SPRED1: variants seen among roughly 807,000 people sequenced by gnomAD.
The protein encoded by SPRED1 is sprouty-related, EVH1 domain-containing protein 1.
A neutral mutation model predicts 52.3 loss-of-function variants in SPRED1; 18 were observed. The observed-to-expected ratio is 0.34, with a 90% CI of 0.24 to 0.51. SPRED1 has a LOEUF of 0.51. Ranked by LOEUF, SPRED1 falls within the 20% of genes least tolerant of loss-of-function variation. The pLI is 0.97. For synonymous variants in SPRED1, 155 were observed against 179.7 expected, an observed-to-expected ratio of 0.86 and a Z score of 1.10; for missense variants, 485 against 551.0, an observed-to-expected ratio of 0.88 and a Z score of 1.20.
intron 1 of SPRED1, among the ~76,000 whole-genome samples, chr15:38,265,747 T>C (rs1894295652): frequency 6.6e-6 from 1 of 152,102 alleles, no homozygotes; most frequent in Admixed American, 6.5e-5. Context: ...CTTGCCATCA[T>C]TTTTAATGGA....
intron 4 of SPRED1, among the ~76,000 whole-genome samples, chr15:38,328,902 A>G (rs8028675): frequency 0.96 from 145,795 of 152,124 alleles, 70,147 homozygotes; most frequent in East Asian, 1. Context: ...TTTTGGTAGA[A>G]ACGGGGTTTT....
At chr15:38,299,853 A>G (rs569324118) in intron 2 of SPRED1, among the ~76,000 whole-genome samples, 2 of 152,250 alleles carry the variant, frequency 1.3e-5, no homozygotes, top group East Asian at 3.9e-4. Context: ...TATTCCCTAG[A>G]CCAGAGATTG....
chr15:38,267,774 A>G (rs889427397), intron 1 of SPRED1, among the ~76,000 whole-genome samples: 5 of 152,216 alleles, frequency 3.3e-5, no homozygotes, highest in African/African-American at 9.6e-5. Flanking sequence ...ATACTTGGTA[A>G]AGTCTTATGA....
At chr15:38,273,288 G>A (rs1894477392) in intron 1 of SPRED1, among the ~76,000 whole-genome samples, 1 of 152,042 alleles carries the variant, frequency 6.6e-6, no homozygotes, top group African/African-American at 2.4e-5. Flanking sequence ...TCATTTTGAA[G>A]AAACATCTTT....
At chr15:38,318,857 A>T (rs1405791885) in intron 2 of SPRED1, among the ~76,000 whole-genome samples, 4 of 152,148 alleles carry the variant, frequency 2.6e-5, no homozygotes, top group African/African-American at 9.7e-5. Flanking sequence ...CCATTGATGG[A>T]CACCTAGGTT....
At chr15:38,307,451 T>C (rs1038179151) in intron 2 of SPRED1, among the ~76,000 whole-genome samples, 1 of 152,218 alleles carries the variant, frequency 6.6e-6, no homozygotes, top group East Asian at 1.9e-4. Context: ...CCTCACATGG[T>C]CTAGAGAAAG....
intron 1 of SPRED1, among the ~76,000 whole-genome samples, chr15:38,269,196 C>T (rs772742299): frequency 4.6e-5 from 7 of 152,126 alleles, no homozygotes; most frequent in Non-Finnish European, 4.4e-5. Context: ...CCCGCCTCAG[C>T]CTCCCAAAGT....
chr15:38,338,712 G>A (rs917290815), intron 4 of SPRED1, among the ~76,000 whole-genome samples: 5 of 151,818 alleles, frequency 3.3e-5, no homozygotes, highest in Admixed American at 2.0e-4. Flanking sequence ...AAATAGCATC[G>A]GTATTACAAT....
chr15:38,303,626 A>G (rs1895192568), intron 2 of SPRED1, among the ~76,000 whole-genome samples: 1 of 152,154 alleles, frequency 6.6e-6, no homozygotes, highest in African/African-American at 2.4e-5. Flanking sequence ...CACAGTTTTT[A>G]GTTATCATGG....
In SPRED1 at chr15:38,252,947, C is replaced by T. The variant is rs1894009716; in HGVS notation, c.-239C>T. The T allele has an allele frequency of 3.4e-6, 2 of 591,288 alleles. No individual in the cohort carries two copies. The highest frequency in any genetic ancestry group is 3.7e-5 in the African/African-American group (2 of 53,388). 36.6% of individuals were successfully genotyped at this position (591,288 alleles called of 1,614,324 possible). ...CGGATCCCTTGGCTGGGCACTGAGG[C>T]GGGGGAAGAGGCTGGGGTCGCCACG... On this transcript the variant is annotated 5_prime_UTR_variant, in exon 1 of 7. Coordinates refer to ENST00000299084, the MANE Select transcript of SPRED1 (RefSeq NM_152594.3).
chr15:38,256,642 G>C (rs918987779), intron 1 of SPRED1, among the ~76,000 whole-genome samples: 1 of 152,074 alleles, frequency 6.6e-6, no homozygotes, highest in Non-Finnish European at 1.5e-5. Flanking sequence ...TATGATAAAC[G>C]TACTATGTTG....
chr15:38,356,234 A>T lies in SPRED1; in HGVS notation c.*4570A>T, dbSNP rs1441879299. ...CTTGACTGCATTCTTTCTAATGAAC[A>T]ATGAAAAACTGTTTAACTCATGTCA... On this transcript the variant is annotated 3_prime_UTR_variant, in exon 7 of 7. Coordinates refer to ENST00000299084, the MANE Select transcript of SPRED1 (RefSeq NM_152594.3). The T allele has an allele frequency of 1.3e-5, 2 of 152,146 alleles. No homozygotes were observed. The highest frequency in any genetic ancestry group is 4.8e-5 in the African/African-American group (2 of 41,440). The allele number at this position is 152,146 out of a possible 1,614,324, so 9.4% of individuals were successfully genotyped here.
At chr15:38,338,038 T>TA (rs66632536) in intron 4 of SPRED1, among the ~76,000 whole-genome samples, 1,891 of 88,862 alleles carry the variant, frequency 0.021, 52 homozygotes, top group African/African-American at 0.066. Context: ...CCATTGCTAC[T>TA]AAAAAAAAAA....
chr15:38,340,018 C>A, intron 5 of SPRED1, 123 bp downstream of exon 5: 1 of 1,234,726 alleles, frequency 8.1e-7, no homozygotes. Context: ...AAACAAAAAC[C>A]CCACAAACAA....
At chr15:38,268,996 A>G (rs906740063) in intron 1 of SPRED1, among the ~76,000 whole-genome samples, 1 of 147,016 alleles carries the variant, frequency 6.8e-6, no homozygotes, top group African/African-American at 2.5e-5. Flanking sequence ...GCTGGAGTGC[A>G]GTGGCGCGAT....
intron 3 of SPRED1, among the ~76,000 whole-genome samples, chr15:38,322,910 T>C (rs1895633725): frequency 6.6e-6 from 1 of 152,150 alleles, no homozygotes; most frequent in Non-Finnish European, 1.5e-5. Flanking sequence ...TCCTTTGTTA[T>C]CTTGCCAGTC....
chr15:38,315,799 A>G (rs1272530053), intron 2 of SPRED1, among the ~76,000 whole-genome samples: 1 of 152,016 alleles, frequency 6.6e-6, no homozygotes, highest in African/African-American at 2.4e-5. Flanking sequence ...CCATCCTCGC[A>G]TAGCAAGTAA....
chr15:38,283,672 C>T (rs1595724465), intron 1 of SPRED1: 1 of 212,528 alleles, frequency 4.7e-6, no homozygotes, highest in South Asian at 1.7e-4. Flanking sequence ...GTTTTCCTTT[C>T]CAGTCACAGC....
At chr15:38,256,685 G>T (rs1008215965) in intron 1 of SPRED1, among the ~76,000 whole-genome samples, 1 of 152,092 alleles carries the variant, frequency 6.6e-6, no homozygotes, top group East Asian at 1.9e-4. Context: ...TCCGTAAATA[G>T]AAAGCAAATT....
Sources: allele counts gnomAD v4.1 joint callset (sites outside exome capture counted in the v4.1 genomes callset), GRCh38; gene constraint gnomAD v4.1.1; transcripts MANE v1.5; gene names NCBI Gene and HGNC (gene_info 2026-07-23, HGNC 2026-07-21).